The following HCFC2 variants were observed in gnomAD, a reference collection of about 807,000 sequenced individuals.
HCFC2 encodes host cell factor C2, also known as host cell factor 2.
In HCFC2, 18 loss-of-function variants were observed where a neutral mutation model predicts 89.2. The ratio of observed to expected loss-of-function variants is 0.20; its 90% CI spans 0.14 to 0.30. HCFC2 has a LOEUF of 0.30. Ranked by LOEUF, HCFC2 falls within the 10% of genes least tolerant of loss-of-function variation. HCFC2 has a pLI of 1.00. For missense variants in HCFC2, 578 were observed against 956.1 expected (o/e 0.60, Z 5.21); for synonymous variants, 308 against 335.7 (o/e 0.92, Z 0.90).
intron 13 of HCFC2, among the ~76,000 whole-genome samples, chr12:104,100,236 T>C (rs538894943): frequency 5.3e-5 from 8 of 152,088 alleles, no homozygotes; most frequent in Non-Finnish European, 1.2e-4. Context: ...AAATTAGACA[T>C]TTAAGCTTCT....
intron 12 of HCFC2, chr12:104,097,783 A>G (rs2136627980): frequency 4.0e-6 from 1 of 249,540 alleles, no homozygotes. Context: ...TAAAAAATGT[A>G]AAACTGTTTA....
chr12:104,076,744 G>A (rs890967127), intron 3 of HCFC2, among the ~76,000 whole-genome samples: 3 of 149,390 alleles, frequency 2.0e-5, no homozygotes, highest in Non-Finnish European at 3.0e-5. Context: ...TCTTATAATA[G>A]GGCAGTTTTA....
intron 12 of HCFC2, among the ~76,000 whole-genome samples, chr12:104,096,929 G>A (rs10861157): frequency 0.14 from 21,609 of 152,050 alleles, 1,596 homozygotes; most frequent in Middle Eastern, 0.21. Context: ...CTTAATAGGA[G>A]CACAACAGAA....
chr12:104,092,578 G>A (rs1375900960), intron 9 of HCFC2, among the ~76,000 whole-genome samples: 1 of 152,156 alleles, frequency 6.6e-6, no homozygotes, highest in African/African-American at 2.4e-5. Context: ...TTCAAGACCA[G>A]CCTGGCCAAC....
chr12:104,080,567 A>G, intron 4 of HCFC2, 179 bp from the exon 5 acceptor site: 1 of 431,694 alleles, frequency 2.3e-6, no homozygotes, highest in Non-Finnish European at 4.1e-6. Flanking sequence ...TTAAGTGTAA[A>G]TAAATTTCTG....
intron 2 of HCFC2, among the ~76,000 whole-genome samples, chr12:104,067,615 G>A (rs1883188813): frequency 6.6e-6 from 1 of 152,150 alleles, no homozygotes; most frequent in African/African-American, 2.4e-5. Context: ...TTTTCAGAAA[G>A]TAAGAATATA....
chr12:104,079,553 A>G lies in HCFC2; in HGVS notation c.582A>G (p.Thr194=), dbSNP rs1243793849. ...TGCCTTCTCCAAGAGAATCCCACAC[A>G]GCTGTTATATATTGCAAAAAAGATT... ...GVVPSPRESH[T]AVIYCKKDSG... The change falls in exon 4 of 15, where the codon ACA becomes ACG. Residue 194 remains threonine, a synonymous_variant. Transcript: ENST00000229330. The G allele has an allele frequency of 6.2e-7, 1 of 1,614,134 alleles. No homozygotes were observed.
At position 104,070,030 on chromosome 12, in the gene HCFC2, CTT is replaced by C. The variant is rs371832726; in HGVS notation, c.473+1932_473+1933del. On this transcript the variant is annotated intron_variant, in intron 3 of 14. Coordinates refer to ENST00000229330, the MANE Select transcript of HCFC2 (RefSeq NM_013320.3). Reference sequence around the variant, plus strand: ...CATGTCCCTGCAAAGGACATGAACTCTTTTTTTTTTGAGACAGAATCTCGCTC... The same window carrying C: ...CATGTCCCTGCAAAGGACATGAACTCTTTTTTTTGAGACAGAATCTCGCTC... Among the ~76,000 whole-genome samples the C allele has an allele frequency of 4.7e-5, 7 of 149,036 alleles. No individual in the cohort carries two copies. In the East Asian group the frequency reaches 5.9e-4, roughly 12 times the overall value.
At chr12:104,077,217 T>A (rs1289489469) in intron 3 of HCFC2, among the ~76,000 whole-genome samples, 1 of 151,544 alleles carries the variant, frequency 6.6e-6, no homozygotes, top group Non-Finnish European at 1.5e-5. Context: ...TTTTTTGTTT[T>A]TTGTTTGTTT....
intron 3 of HCFC2, among the ~76,000 whole-genome samples, chr12:104,069,288 A>G (rs1766919059): frequency 6.6e-6 from 1 of 152,190 alleles, no homozygotes; most frequent in Admixed American, 6.5e-5. Context: ...CCTGGGTGAC[A>G]GAGTTAGACC....
At chr12:104,073,477 TA>T (rs1447919365) in intron 3 of HCFC2, among the ~76,000 whole-genome samples, 1 of 152,176 alleles carries the variant, frequency 6.6e-6, no homozygotes, top group East Asian at 1.9e-4. Flanking sequence ...TTGCCTTTTT[TA>T]AAAAGGGTTT....
Position 104,095,315 on chromosome 12 carries a change from T to G in HCFC2, c.1463-45T>G. 1 of 1,400,390 alleles carries G rather than the reference T, an allele frequency of 7.1e-7. No homozygotes were observed. The highest frequency in any genetic ancestry group is 1.2e-5 in the South Asian group (1 of 84,368). The allele number at this position is 1,400,390 out of a possible 1,614,324, so 86.7% of individuals were successfully genotyped here. On this transcript the variant is annotated intron_variant, in intron 10 of 14. Transcript: ENST00000229330. The surrounding 1 kb of genome is among the most constrained non-coding windows in gnomAD (Gnocchi z 4.2). ...CAAGAACGATAAGACACAACAATTA[T>G]CTGCAGATATCATATTAATAATTAC...
intron 3 of HCFC2, among the ~76,000 whole-genome samples, chr12:104,073,396 C>T (rs925409161): frequency 6.6e-6 from 1 of 151,926 alleles, no homozygotes; most frequent in African/African-American, 2.4e-5. Flanking sequence ...AACTCCTGAC[C>T]TCATGATCCG....
chr12:104,075,565 A>C (rs1883469220), intron 3 of HCFC2, among the ~76,000 whole-genome samples: 1 of 148,546 alleles, frequency 6.7e-6, no homozygotes, highest in African/African-American at 2.5e-5. Context: ...TTCAAGCTAT[A>C]CTCCCACCTC....
intron 3 of HCFC2, among the ~76,000 whole-genome samples, chr12:104,078,048 G>A (rs528260333): frequency 6.6e-6 from 1 of 151,926 alleles, no homozygotes; most frequent in African/African-American, 2.4e-5. Flanking sequence ...TCCCAGGCTG[G>A]AGTGCAGTGG....
intron 9 of HCFC2, among the ~76,000 whole-genome samples, chr12:104,092,515 G>A (rs780317036): frequency 1.3e-4 from 20 of 152,090 alleles, no homozygotes; most frequent in Middle Eastern, 3.4e-3. Flanking sequence ...GCTCACTCCT[G>A]TAATCTCAGC....
chr12:104,083,366 A>G (rs1483531263), intron 7 of HCFC2, among the ~76,000 whole-genome samples: 1 of 152,210 alleles, frequency 6.6e-6, no homozygotes, highest in Non-Finnish European at 1.5e-5. Flanking sequence ...GACATTCTAG[A>G]TCTTCTACAA....
Position 104,077,568 on chromosome 12 carries a change from A to T in HCFC2, c.474-1877A>T, listed in dbSNP as rs868046323. Among the ~76,000 whole-genome samples, 269 of 126,966 alleles carry T rather than the reference A, an allele frequency of 2.1e-3. 1 individual carries two copies. The highest frequency in any genetic ancestry group is 6.7e-3 in the African/African-American group (247 of 37,026). 83.3% of individuals were successfully genotyped at this position (126,966 alleles called of 152,430 possible). ...CTGGCCTGTTTTTTTTTTTTTTTTTAAACTATCTTATTAACTGCTTTCTAT... is the reference window on the plus strand; with the variant it reads ...CTGGCCTGTTTTTTTTTTTTTTTTTTAACTATCTTATTAACTGCTTTCTAT... On this transcript the variant is annotated intron_variant, in intron 3 of 14. Transcript: ENST00000229330.
intron 9 of HCFC2, among the ~76,000 whole-genome samples, chr12:104,092,027 T>G (rs1189091787): frequency 6.6e-6 from 1 of 151,984 alleles, no homozygotes; most frequent in East Asian, 1.9e-4. Context: ...ACAATAAAAA[T>G]AGAGAGAGAA....
Sources: allele counts gnomAD v4.1 joint callset (sites outside exome capture counted in the v4.1 genomes callset), GRCh38; gene constraint gnomAD v4.1.1; non-coding constraint Gnocchi (gnomAD v3.1); transcripts MANE v1.5; gene names NCBI Gene and HGNC (gene_info 2026-07-23, HGNC 2026-07-21).